The following FSTL5 variants were observed in gnomAD, a reference collection of about 807,000 sequenced individuals.
FSTL5 encodes the protein follistatin-related protein 5.
FSTL5 carries 62 observed loss-of-function variants against 89.1 expected under a neutral mutation model. That is an observed-to-expected ratio of 0.70 (90% confidence interval 0.57 to 0.86). The LOEUF is 0.86. FSTL5 is among the 40% of genes least tolerant of loss of function. The probability of loss-of-function intolerance (pLI) is 0.00; values close to 1 mark genes in which losing one functional copy is unlikely to be tolerated. For missense variants in FSTL5, 1,057 were observed against 1,001.6 expected, an observed-to-expected ratio of 1.06 and a Z score of -0.75; for synonymous variants, 383 against 346.2, an observed-to-expected ratio of 1.11 and a Z score of -1.18.
chr4:161,700,366 A>G (rs1408574351), intron 6 of FSTL5, among the ~76,000 whole-genome samples: 2 of 152,176 alleles, frequency 1.3e-5, no homozygotes, highest in African/African-American at 4.8e-5. Context: ...TCTTCCCATA[A>G]ATGAAAATAA....
At chr4:161,602,586 G>T (rs1466159765) in intron 7 of FSTL5, among the ~76,000 whole-genome samples, 1 of 152,056 alleles carries the variant, frequency 6.6e-6, no homozygotes, top group African/African-American at 2.4e-5. Context: ...AGCCAGAAAT[G>T]TATTTATACT....
At chr4:161,515,228 T>C (rs1005683843) in intron 10 of FSTL5, among the ~76,000 whole-genome samples, 3 of 152,018 alleles carry the variant, frequency 2.0e-5, no homozygotes, top group Admixed American at 6.6e-5. Flanking sequence ...TGGGGGTTGT[T>C]TGTCTGTTGT....
intron 10 of FSTL5, among the ~76,000 whole-genome samples, chr4:161,516,552 T>C (rs2126508947): frequency 7.2e-6 from 1 of 139,698 alleles, no homozygotes; most frequent in South Asian, 2.3e-4. Context: ...TAGTAAATTA[T>C]ATATATTTCA....
Position 161,477,087 on chromosome 4 carries a change from AG to A in FSTL5, c.1608+3932del, listed in dbSNP as rs142533720. 8.0e-3 allele frequency among the ~76,000 whole-genome samples: 1,223 copies of A among 152,248 alleles called. 8 individuals are homozygous for A. The highest frequency in any genetic ancestry group is 0.012 in the Non-Finnish European group (839 of 68,012). The stretch of plus-strand genomic sequence containing the variant: ...TTGTTTCCATTTACATTGGTGATAA[AG>A]TATATGTTTTGTGTGTCTGACACAA... On this transcript the variant is annotated intron_variant, in intron 13 of 15. Transcript: ENST00000306100.
Position 162,095,312 on chromosome 4 carries a change from T to C in FSTL5, c.126+15959A>G, listed in dbSNP as rs572845445. On this transcript the variant is annotated intron_variant, in intron 2 of 15. Coordinates refer to ENST00000306100, the MANE Select transcript of FSTL5 (RefSeq NM_020116.5). ...ATAAGAAGGTGTTCAAAAATTTCTA[T>C]AGTCCATTTAGTTGGGAAATTCTAG... 2.6e-5 allele frequency among the ~76,000 whole-genome samples: 4 copies of C among 152,264 alleles called. No homozygotes were observed. The South Asian group carries it at 8.3e-4, about 31-fold the overall frequency.
At chr4:161,977,723 G>T (rs1375037333) in intron 3 of FSTL5, among the ~76,000 whole-genome samples, 1 of 149,842 alleles carries the variant, frequency 6.7e-6, no homozygotes, top group Non-Finnish European at 1.5e-5. Flanking sequence ...GTTATTTTGA[G>T]CCCATCATGG....
rs1329963927 is a variant in FSTL5 at position 161,602,456 on chromosome 4, C to T, written c.895-14881G>A. On this transcript the variant is annotated intron_variant, in intron 7 of 15. Coordinates refer to ENST00000306100, the MANE Select transcript of FSTL5 (RefSeq NM_020116.5). Reference sequence around the variant, plus strand: ...AACAGGGTATCCAAAAGAAATCAGTCAATATCAGTCTAAAATACGTACCAT... The same window carrying T: ...AACAGGGTATCCAAAAGAAATCAGTTAATATCAGTCTAAAATACGTACCAT... 1.3e-5 allele frequency among the ~76,000 whole-genome samples: 2 copies of T among 151,698 alleles called. 1 individual carries two copies. Among genetic ancestry groups the T allele is most frequent in the South Asian group, 4.2e-4 (2 of 4,802 alleles).
chr4:161,395,406 C>T (rs566016676), intron 15 of FSTL5, among the ~76,000 whole-genome samples: 18 of 151,790 alleles, frequency 1.2e-4, no homozygotes, highest in East Asian at 7.7e-4. Context: ...TCTATGAACA[C>T]GCAGAAGCAG....
chr4:161,441,075 C>T (rs1732745281), intron 15 of FSTL5, among the ~76,000 whole-genome samples: 1 of 152,060 alleles, frequency 6.6e-6, no homozygotes, highest in African/African-American at 2.4e-5. Flanking sequence ...CCTTCCATAT[C>T]ATCTTTGTTA....
At chr4:162,041,731 A>G (rs1281830225) in intron 2 of FSTL5, 1 of 152,154 alleles carries the variant, frequency 6.6e-6, no homozygotes, top group Admixed American at 6.6e-5. Context: ...CATAAACAAG[A>G]TATCAATGAC....
At chr4:161,757,389 T>C (rs968584428) in intron 6 of FSTL5, among the ~76,000 whole-genome samples, 1 of 149,770 alleles carries the variant, frequency 6.7e-6, no homozygotes, top group African/African-American at 2.5e-5. Flanking sequence ...CACACACACA[T>C]TATTATATGT....
At chr4:161,977,607 C>T (rs1478020679) in intron 3 of FSTL5, among the ~76,000 whole-genome samples, 3 of 78,174 alleles carry the variant, frequency 3.8e-5, no homozygotes, top group Non-Finnish European at 5.1e-5. Context: ...AGCGAGACTC[C>T]GTGTCAAAAA....
In FSTL5 at chr4:161,873,588, A is replaced by T. The variant is rs184144263; in HGVS notation, c.409+46816T>A. On this transcript the variant is annotated intron_variant, in intron 4 of 15. Coordinates refer to ENST00000306100, the MANE Select transcript of FSTL5 (RefSeq NM_020116.5). ...TCCTCCATTTTTCCCATAATAAAAG[A>T]TATTTAAATATATATATATATACTG... Among the ~76,000 whole-genome samples, 43 of 141,560 alleles carry T rather than the reference A, an allele frequency of 3.0e-4. No homozygotes were observed. The East Asian group carries it at 5.2e-3, about 17-fold the overall frequency. 92.9% of individuals were successfully genotyped at this position (141,560 alleles called of 152,430 possible). A position where few individuals can be genotyped will look rare whatever the true frequency, so the allele number is the denominator to read the frequency against.
chr4:162,097,737 C>T (rs143598841), intron 2 of FSTL5, among the ~76,000 whole-genome samples: 2 of 151,786 alleles, frequency 1.3e-5, no homozygotes, highest in Non-Finnish European at 3.0e-5. Context: ...CACTAGTTAA[C>T]AAGAAAATTA....
intron 4 of FSTL5, among the ~76,000 whole-genome samples, chr4:161,872,605 G>A (rs1348566798): frequency 6.6e-6 from 1 of 152,096 alleles, no homozygotes; most frequent in Non-Finnish European, 1.5e-5. Flanking sequence ...TGGCACTTAT[G>A]ATAAGAGTGG....
intron 2 of FSTL5, among the ~76,000 whole-genome samples, chr4:162,066,298 T>TTTTCTTCTTCTTCTTC (rs1738893861): frequency 1.1e-5 from 1 of 88,734 alleles, no homozygotes; most frequent in African/African-American, 4.4e-5. Flanking sequence ...CTCCTCCTAC[T>TTTTCTTCTTCTTCTTC]TTTCTTCTTC....
At chr4:161,704,734 G>T (rs1013679781) in intron 6 of FSTL5, among the ~76,000 whole-genome samples, 1 of 152,036 alleles carries the variant, frequency 6.6e-6, no homozygotes, top group African/African-American at 2.4e-5. Context: ...TCAGTCAATT[G>T]CTTCACTCTA....
At chr4:161,697,133 C>T (rs963477123) in intron 6 of FSTL5, among the ~76,000 whole-genome samples, 10 of 152,222 alleles carry the variant, frequency 6.6e-5, no homozygotes, top group African/African-American at 2.4e-4. Flanking sequence ...CTGTTGCCCA[C>T]CTAGGCATCT....
At chr4:161,508,832 T>A (rs1329234839) in intron 11 of FSTL5, among the ~76,000 whole-genome samples, 2 of 152,208 alleles carry the variant, frequency 1.3e-5, no homozygotes, top group Admixed American at 1.3e-4. Flanking sequence ...AGCATCTGGC[T>A]TAGCTTCCAA....
Sources: gnomAD v4.1 joint callset for allele counts (sites outside exome capture counted in the v4.1 genomes callset) on GRCh38, gnomAD v4.1.1 for gene constraint, MANE v1.5 for transcripts, NCBI Gene and HGNC (gene_info 2026-07-23, HGNC 2026-07-21) for gene names.